HSD17B11: variants seen among roughly 807,000 people sequenced by gnomAD.
HSD17B11 encodes the protein estradiol 17-beta-dehydrogenase 11.
A neutral mutation model predicts 27.8 loss-of-function variants in HSD17B11; 22 were observed. The observed-to-expected ratio is 0.79, with a 90% CI of 0.56 to 1.13. The LOEUF (loss-of-function observed/expected upper bound fraction) is 1.13. HSD17B11 is among the 50% of genes most tolerant of loss of function. The pLI, the probability that HSD17B11 is intolerant of heterozygous loss-of-function variation, is 0.00. For missense variants in HSD17B11, 314 were observed against 351.1 expected, an observed-to-expected ratio of 0.89 and a Z score of 0.84; for synonymous variants, 117 against 132.8, an observed-to-expected ratio of 0.88 and a Z score of 0.82.
At chr4:87,367,233 G>T (rs1735627494) in intron 4 of HSD17B11, among the ~76,000 whole-genome samples, 1 of 152,154 alleles carries the variant, frequency 6.6e-6, no homozygotes. Flanking sequence ...TTCCTTTAAA[G>T]AATCAAACTT....
At chr4:87,388,166 CAA>C (rs67885339) in intron 1 of HSD17B11, among the ~76,000 whole-genome samples, 6 of 137,450 alleles carry the variant, frequency 4.4e-5, no homozygotes, top group Non-Finnish European at 3.2e-5. Flanking sequence ...GTAGTCACAC[CAA>C]AAAAAAAAAA....
intron 1 of HSD17B11, among the ~76,000 whole-genome samples, 178 bp downstream of exon 1, chr4:87,390,679 GGTCT>G (rs2110137265): frequency 6.6e-6 from 1 of 152,148 alleles, no homozygotes; most frequent in East Asian, 1.9e-4. Flanking sequence ...ATAACCTCTA[GGTCT>G]GTTTATCATG....
intron 2 of HSD17B11, among the ~76,000 whole-genome samples, chr4:87,381,581 G>A (rs1578047191): frequency 6.6e-6 from 1 of 151,388 alleles, no homozygotes; most frequent in East Asian, 1.9e-4. Flanking sequence ...AACATGGTGA[G>A]ACCCCGTTTT....
chr4:87,382,361 T>G lies in HSD17B11; in HGVS notation c.212A>C (p.His71Pro). The G allele has an allele frequency of 1.2e-6, 2 of 1,612,056 alleles. No individual in the cohort carries two copies. The highest frequency in any genetic ancestry group is 1.7e-6 in the Non-Finnish European group (2 of 1,178,486). ...TTTGGCAGCTGTTTCCTCCAGTCCA[T>G]GCTAGAAAAAGCAAAAAAGAGGGCA... is the stretch of plus-strand genomic sequence containing the variant. ...SKLVLWDINK[H>P]GLEETAAKCK... The change falls in exon 2 of 7, where the codon CAT becomes CCT. Residue 71 changes from histidine (H) to proline (P), a missense_variant and splice_region_variant. Transcript: ENST00000358290.
At position 87,382,241 on chromosome 4, in the gene HSD17B11, A is replaced by C. The variant is rs759976566; in HGVS notation, c.318+14T>G. On this transcript the variant is annotated intron_variant, in intron 2 of 6. Coordinates refer to ENST00000358290, the MANE Select transcript of HSD17B11 (RefSeq NM_016245.5). ...TCTAACATGATATGATTCTAACTAA[A>C]CACAACATTTCACCTTCTTTGCAGA... The C allele has an allele frequency of 3.8e-5, 61 of 1,588,590 alleles. No homozygotes were observed. The African/African-American group carries it at 6.2e-4, about 16-fold the overall frequency.
rs1306622349 is a variant in HSD17B11, at chr4:87,336,644, G to A, written c.*632C>T. 2.6e-5 allele frequency: 4 copies of A among 152,378 alleles called. No homozygotes were observed. The South Asian group carries it at 8.3e-4, about 31-fold the overall frequency. The allele number at this position is 152,378 out of a possible 1,614,324, so 9.4% of individuals were successfully genotyped here. A position where few individuals can be genotyped will look rare whatever the true frequency, so the allele number is the denominator to read the frequency against. On this transcript the variant is annotated 3_prime_UTR_variant, in exon 7 of 7. Transcript: ENST00000358290. ...GATCCATTTATTATTGCTGCCATTT[G>A]TGGGTACATTCTCTCAATTCTCCTT...
chr4:87,339,941 T>C (rs754763108), intron 6 of HSD17B11, among the ~76,000 whole-genome samples: 4 of 152,168 alleles, frequency 2.6e-5, no homozygotes, highest in Non-Finnish European at 5.9e-5. Context: ...CTTATTGAAA[T>C]GCAAATTCTG....
Position 87,390,932 on chromosome 4 carries a change from C to A in HSD17B11, c.139G>T (p.Gly47Ter). The change falls in exon 1 of 7, where the codon GGA becomes TGA. Residue 47 changes from glycine to a stop codon, truncating the protein, a stop_gained. Coordinates refer to ENST00000358290, the MANE Select transcript of HSD17B11 (RefSeq NM_016245.5). LOFTEE classifies it high-confidence loss of function. ...EIVLITGAGHGIGRLTAYEFA... is the reference protein window; with the variant it reads ...EIVLITGAGH ...TCATAGGCAGTCAGTCTCCCAATTC[C>A]ATGCCCAGCTCCTGTAATCAGCACG... 1 of 1,614,136 alleles carries A rather than the reference C, an allele frequency of 6.2e-7. No individual in the cohort carries two copies. Among genetic ancestry groups the A allele is most frequent in the Non-Finnish European group, 8.5e-7 (1 of 1,180,012 alleles).
intron 2 of HSD17B11, among the ~76,000 whole-genome samples, chr4:87,380,043 G>A (rs1359347282): frequency 3.6e-5 from 5 of 137,556 alleles, no homozygotes; most frequent in African/African-American, 1.3e-4. Context: ...CCCAGGAGGC[G>A]GAGGTTGCAG....
At chr4:87,361,368 T>G (rs1245595010) in intron 4 of HSD17B11, among the ~76,000 whole-genome samples, 2 of 152,190 alleles carry the variant, frequency 1.3e-5, no homozygotes, top group African/African-American at 2.4e-5. Flanking sequence ...ATCCACCCCT[T>G]GTTTAGCATA....
At chr4:87,372,563 C>T in intron 4 of HSD17B11, 146 bp downstream of exon 4, 1 of 589,414 alleles carries the variant, frequency 1.7e-6, no homozygotes, top group South Asian at 2.3e-5. Context: ...GCAACTCTTT[C>T]TGCTTATTTT....
chr4:87,386,351 C>T (rs373773757), intron 1 of HSD17B11, among the ~76,000 whole-genome samples: 48 of 152,048 alleles, frequency 3.2e-4, no homozygotes, highest in East Asian at 2.1e-3. Context: ...TACAGGCATG[C>T]GCCACCACAC....
At chr4:87,390,718 G>A in intron 1 of HSD17B11, 143 bp downstream of exon 1, 2 of 659,612 alleles carry the variant, frequency 3.0e-6, no homozygotes, top group South Asian at 1.8e-5. Flanking sequence ...ATTAATTCAT[G>A]CCCTCCCATC....
rs1735072281 is a variant in HSD17B11 at position 87,337,284 on chromosome 4, C to T, written c.895G>A (p.Ala299Thr). 3 of 1,596,496 alleles carry T rather than the reference C, an allele frequency of 1.9e-6. No homozygotes were observed. In the South Asian group the frequency reaches 3.3e-5, roughly 18 times the overall value. ...FDAVIGYKMKAQ is the reference protein window; with the variant it reads ...FDAVIGYKMKTQ ...TTCAGAAAACTAGGTGCTTATTGCGCTTTCATTTTATATCCAATAACTGCA... is the reference window on the plus strand; with the variant it reads ...TTCAGAAAACTAGGTGCTTATTGCGTTTTCATTTTATATCCAATAACTGCA... The change falls in exon 7 of 7, where the codon GCG (alanine) becomes ACG (threonine). Residue 299 changes from alanine to threonine, a missense_variant. Coordinates refer to ENST00000358290, the MANE Select transcript of HSD17B11 (RefSeq NM_016245.5).
At chr4:87,370,746 ATTATTATT>A (rs1481256121) in intron 4 of HSD17B11, among the ~76,000 whole-genome samples, 5 of 5,370 alleles carry the variant, frequency 9.3e-4, no homozygotes, top group East Asian at 0.013. Flanking sequence ...TATTATTATT[ATTATTATT>A]ATTTTTTTTT....
At chr4:87,345,771 T>C (rs1735261745) in intron 5 of HSD17B11, among the ~76,000 whole-genome samples, 1 of 151,758 alleles carries the variant, frequency 6.6e-6, no homozygotes. Context: ...AAACAGAAAA[T>C]CTGAGATCTT....
chr4:87,383,813 C>T (rs895701807), intron 1 of HSD17B11, among the ~76,000 whole-genome samples: 4 of 150,434 alleles, frequency 2.7e-5, no homozygotes, highest in Non-Finnish European at 5.9e-5. Flanking sequence ...TAGTATTGTG[C>T]ATTCTGCAGG....
chr4:87,389,888 C>T (rs1720411804), intron 1 of HSD17B11, among the ~76,000 whole-genome samples: 1 of 151,990 alleles, frequency 6.6e-6, no homozygotes, highest in South Asian at 2.1e-4. Flanking sequence ...AGTTTTTTTC[C>T]CTTTTATTGT....
At chr4:87,353,214 G>C (rs1735318985) in intron 5 of HSD17B11, among the ~76,000 whole-genome samples, 1 of 151,424 alleles carries the variant, frequency 6.6e-6, no homozygotes, top group South Asian at 2.1e-4. Context: ...TTCACTTTTG[G>C]ATAATTATCT....
Sources: gnomAD v4.1 joint callset for allele counts (sites outside exome capture counted in the v4.1 genomes callset) on GRCh38, gnomAD v4.1.1 for gene constraint, MANE v1.5 for transcripts, NCBI Gene and HGNC (gene_info 2026-07-23, HGNC 2026-07-21) for gene names.